The following GALNT18 variants were observed in gnomAD, a reference collection of about 807,000 sequenced individuals.
GALNT18 encodes the protein GalNAc-transferase 18.
GALNT18 carries 44 observed loss-of-function variants against 69.5 expected under a neutral mutation model. The observed-to-expected ratio is 0.63, with a 90% confidence interval of 0.50 to 0.81. The LOEUF is 0.81. Ranked by LOEUF, GALNT18 falls within the 40% of genes least tolerant of loss-of-function variation. The pLI, the probability that GALNT18 is intolerant of heterozygous loss-of-function variation, is 0.00. For missense variants in GALNT18, 715 were observed against 810.0 expected, an observed-to-expected ratio of 0.88 and a Z score of 1.42; for synonymous variants, 364 against 318.2, an observed-to-expected ratio of 1.14 and a Z score of -1.53.
rs1467906611 is a variant in GALNT18 at position 11,463,481 on chromosome 11, G to A, written c.236-14545C>T. Among the ~76,000 whole-genome samples, 3 of 152,176 alleles carry A rather than the reference G, an allele frequency of 2.0e-5. No individual in the cohort carries two copies. Among genetic ancestry groups the A allele is most frequent in the South Asian group, 2.1e-4 (1 of 4,828 alleles). On this transcript the variant is annotated intron_variant, in intron 1 of 10. Coordinates refer to ENST00000227756, the MANE Select transcript of GALNT18 (RefSeq NM_198516.3). The surrounding 1 kb of genome is among the most constrained non-coding windows in gnomAD (Gnocchi z 4.2). ...GATAAATACGAGCCAGGGCCCCAGC[G>A]AGGTTGAGGTCTGCTTACACGTCCC...
intron 10 of GALNT18, among the ~76,000 whole-genome samples, chr11:11,284,895 TAAA>T: frequency 2.1e-5 from 3 of 144,236 alleles, no homozygotes; most frequent in Non-Finnish European, 4.5e-5. Context: ...GATTTACTAG[TAAA>T]GACTTTCGTG....
intron 1 of GALNT18, among the ~76,000 whole-genome samples, chr11:11,514,978 C>T (rs923646216): frequency 3.9e-5 from 6 of 152,164 alleles, no homozygotes; most frequent in African/African-American, 1.4e-4. Flanking sequence ...AGGAGAACAG[C>T]CATTATTTAT....
chr11:11,466,078 G>C (rs1309180811), intron 1 of GALNT18, among the ~76,000 whole-genome samples: 4 of 150,580 alleles, frequency 2.7e-5, no homozygotes, highest in Non-Finnish European at 5.9e-5. Context: ...CAGATATAAG[G>C]GAAACGAGGT....
intron 3 of GALNT18, among the ~76,000 whole-genome samples, chr11:11,393,494 G>T (rs1003577353): frequency 1.2e-4 from 18 of 152,254 alleles, no homozygotes; most frequent in African/African-American, 4.1e-4. Context: ...CTTTCAGCAT[G>T]AACTGCCAAC....
In GALNT18 at chr11:11,601,331, T is replaced by A. The variant is rs1241438012; in HGVS notation, c.235+20028A>T. On this transcript the variant is annotated intron_variant, in intron 1 of 10. Coordinates refer to ENST00000227756, the MANE Select transcript of GALNT18 (RefSeq NM_198516.3). This position sits in a 1 kb window ranked among gnomAD's most constrained non-coding sequence, Gnocchi z 4.0. ...ATGGGCTACTTCAGTGAAGTCCTTTTCCCCCAACAGTGTGTAGTCTCTAAT... is the reference window on the plus strand; with the variant it reads ...ATGGGCTACTTCAGTGAAGTCCTTTACCCCCAACAGTGTGTAGTCTCTAAT... Among the ~76,000 whole-genome samples, 3 of 152,228 alleles carry A rather than the reference T, an allele frequency of 2.0e-5. No homozygotes were observed. The highest frequency in any genetic ancestry group is 1.5e-5 in the Non-Finnish European group (1 of 68,042).
intron 10 of GALNT18, among the ~76,000 whole-genome samples, chr11:11,284,231 G>A (rs1380668473): frequency 6.6e-6 from 1 of 152,236 alleles, no homozygotes; most frequent in Non-Finnish European, 1.5e-5. Context: ...ACACAGCCAA[G>A]CATCTTTCTG....
intron 6 of GALNT18, among the ~76,000 whole-genome samples, chr11:11,358,175 CT>C (rs1384627201): frequency 9.4e-6 from 1 of 106,940 alleles, no homozygotes; most frequent in Non-Finnish European, 2.2e-5. Flanking sequence ...AAAGTTTTTT[CT>C]TTCTTTTTAC....
chr11:11,501,257 G>GA (rs1156442344), intron 1 of GALNT18, among the ~76,000 whole-genome samples: 2 of 151,442 alleles, frequency 1.3e-5, no homozygotes, highest in African/African-American at 2.4e-5. Flanking sequence ...GTTTGTGTTA[G>GA]AAAAAAAAAT....
In GALNT18 at chr11:11,432,858, G is replaced by T; in HGVS notation, c.429-71C>A. ...CATCTCAGGAGCTGACCCAGCCCAT[G>T]TCCTGGCTCCAGCTTTGCTGGAGGG... On this transcript the variant is annotated intron_variant, in intron 2 of 10. Transcript: ENST00000227756. The surrounding 1 kb of genome is among the most constrained non-coding windows in gnomAD (Gnocchi z 5.8). 6.6e-7 allele frequency: 1 copy of T among 1,506,956 alleles called. No individual in the cohort carries two copies. The allele number at this position is 1,506,956 out of a possible 1,614,324, so 93.3% of individuals were successfully genotyped here.
At chr11:11,450,605 T>C (rs565956207) in intron 1 of GALNT18, among the ~76,000 whole-genome samples, 1 of 152,266 alleles carries the variant, frequency 6.6e-6, no homozygotes, top group Admixed American at 6.5e-5. Context: ...AACTCCCAGG[T>C]GCCGAACTCA....
chr11:11,483,465 C>T (rs750349779), intron 1 of GALNT18, among the ~76,000 whole-genome samples: 6 of 152,148 alleles, frequency 3.9e-5, no homozygotes, highest in Admixed American at 6.5e-5. Context: ...ACGTCTTGGT[C>T]GAAGAGGAAA....
intron 10 of GALNT18, among the ~76,000 whole-genome samples, chr11:11,285,994 G>A (rs952294495): frequency 6.6e-6 from 1 of 152,106 alleles, no homozygotes; most frequent in Non-Finnish European, 1.5e-5. Context: ...TCCTTTCCTG[G>A]CATTAACAGA....
At chr11:11,281,770 T>C (rs1849080288) in intron 10 of GALNT18, among the ~76,000 whole-genome samples, 1 of 151,956 alleles carries the variant, frequency 6.6e-6, no homozygotes, top group South Asian at 2.1e-4. Context: ...GGGCATTGGC[T>C]GCCTGAAGGG....
chr11:11,333,527 A>G (rs1341777720), intron 7 of GALNT18, among the ~76,000 whole-genome samples: 1 of 152,164 alleles, frequency 6.6e-6, no homozygotes, highest in Non-Finnish European at 1.5e-5. Flanking sequence ...TTTGAACCCA[A>G]TTAACCTGGG....
Position 11,542,001 on chromosome 11 carries a change from C to T in GALNT18, c.235+79358G>A, listed in dbSNP as rs2133956719. Reference sequence around the variant, plus strand: ...TTCACCCCCACCCTTCAGAAGACCCCAGAGACCCCGCTGTAAATATGAAGG... The same window carrying T: ...TTCACCCCCACCCTTCAGAAGACCCTAGAGACCCCGCTGTAAATATGAAGG... On this transcript the variant is annotated intron_variant, in intron 1 of 10. Coordinates refer to ENST00000227756, the MANE Select transcript of GALNT18 (RefSeq NM_198516.3). The surrounding 1 kb of genome is among the most constrained non-coding windows in gnomAD (Gnocchi z 4.3). Among the ~76,000 whole-genome samples the T allele has an allele frequency of 6.6e-6, 1 of 152,266 alleles. No homozygotes were observed. The highest frequency in any genetic ancestry group is 2.4e-5 in the African/African-American group (1 of 41,560).
At chr11:11,544,676 A>G (rs1187265833) in intron 1 of GALNT18, among the ~76,000 whole-genome samples, 3 of 152,212 alleles carry the variant, frequency 2.0e-5, no homozygotes. Flanking sequence ...TAAGCCTCGC[A>G]TGCATTAGGT....
At chr11:11,518,081 C>T (rs1266976554) in intron 1 of GALNT18, among the ~76,000 whole-genome samples, 2 of 152,144 alleles carry the variant, frequency 1.3e-5, no homozygotes, top group Non-Finnish European at 2.9e-5. Flanking sequence ...CTAAAGATAC[C>T]AGCAGAAGAG....
intron 10 of GALNT18, among the ~76,000 whole-genome samples, chr11:11,287,998 CCT>C (rs1227298108): frequency 6.6e-6 from 1 of 152,166 alleles, no homozygotes; most frequent in East Asian, 1.9e-4. Flanking sequence ...ACCAAGTCCT[CCT>C]ATCTCTTCCC....
chr11:11,398,379 T>A (rs116486641), intron 3 of GALNT18, among the ~76,000 whole-genome samples: 2,788 of 152,322 alleles, frequency 0.018, 46 homozygotes, highest in African/African-American at 0.038. Context: ...AAATATTGGC[T>A]GTGAGGCAGC....
Sources: gnomAD v4.1 joint callset for allele counts (sites outside exome capture counted in the v4.1 genomes callset) on GRCh38, gnomAD v4.1.1 for gene constraint, Gnocchi (gnomAD v3.1) non-coding constraint, MANE v1.5 for transcripts, NCBI Gene and HGNC (gene_info 2026-07-23, HGNC 2026-07-21) for gene names.